Variants in APBB2 observed in about 807,000 individuals in gnomAD.
The protein encoded by APBB2 is Fe65-like 1.
A neutral mutation model predicts 82.5 loss-of-function variants in APBB2; 38 were observed. The observed-to-expected ratio is 0.46, with a 90% CI of 0.36 to 0.60. The LOEUF is 0.60. Ranked by LOEUF, APBB2 falls within the 20% of genes least tolerant of loss-of-function variation. APBB2 has a pLI of 0.00. For missense variants in APBB2, 772 were observed against 972.3 expected (o/e 0.79, Z 2.74); for synonymous variants, 341 against 368.2 (o/e 0.93, Z 0.85).
In APBB2 at chr4:40,815,991, A is replaced by C; in HGVS notation, c.*101T>G. The C allele has an allele frequency of 7.4e-7, 1 of 1,354,788 alleles. No homozygotes were observed. The highest frequency in any genetic ancestry group is 1.3e-5 in the South Asian group (1 of 75,142). The allele number at this position is 1,354,788 out of a possible 1,614,324, so 83.9% of individuals were successfully genotyped here. On this transcript the variant is annotated 3_prime_UTR_variant, in exon 18 of 18. Coordinates refer to ENST00000508593, the MANE Select transcript of APBB2 (RefSeq NM_004307.2). ...GTTAAGGGTAAATTCTCTGAAGACA[A>C]AGCATCAGCAACTGGATGGAAGGTC...
intron 6 of APBB2, among the ~76,000 whole-genome samples, chr4:41,010,407 C>T (rs1185753165): frequency 6.6e-6 from 1 of 152,210 alleles, no homozygotes; most frequent in African/African-American, 2.4e-5. Context: ...ATCCAGTTCT[C>T]ATCACAGGCC....
chr4:40,897,791 G>A (rs1225426735), intron 10 of APBB2, among the ~76,000 whole-genome samples: 2 of 152,108 alleles, frequency 1.3e-5, no homozygotes, highest in African/African-American at 2.4e-5. Flanking sequence ...GCCCCCGTGT[G>A]GCCAGGAAGG....
chr4:40,830,820 A>G (rs1751606176), intron 12 of APBB2, among the ~76,000 whole-genome samples: 2 of 152,156 alleles, frequency 1.3e-5, no homozygotes, highest in Non-Finnish European at 2.9e-5. Context: ...TGTAATCCCA[A>G]CGTTTTGAGA....
intron 3 of APBB2, among the ~76,000 whole-genome samples, chr4:41,067,728 GAT>G (rs965573022): frequency 3.9e-5 from 6 of 152,120 alleles, no homozygotes; most frequent in Non-Finnish European, 7.4e-5. Context: ...GATGAATAAA[GAT>G]AAAAAATGAA....
chr4:41,131,810 C>T (rs896947658), intron 2 of APBB2, among the ~76,000 whole-genome samples: 28 of 152,024 alleles, frequency 1.8e-4, no homozygotes. Context: ...GAGGCCAAGG[C>T]GGGTGGATCA....
chr4:40,924,813 T>C (rs1224622149), intron 10 of APBB2, among the ~76,000 whole-genome samples: 1 of 152,252 alleles, frequency 6.6e-6, no homozygotes, highest in African/African-American at 2.4e-5. Context: ...TTGGTGCAGT[T>C]TGCTACATAG....
At chr4:41,132,485 T>C (rs1003275458) in intron 2 of APBB2, among the ~76,000 whole-genome samples, 2 of 152,226 alleles carry the variant, frequency 1.3e-5, no homozygotes, top group Non-Finnish European at 2.9e-5. Flanking sequence ...AGCAAACAGC[T>C]TTCCTGATTA....
intron 2 of APBB2, among the ~76,000 whole-genome samples, chr4:41,103,571 G>A (rs1230158863): frequency 2.6e-5 from 4 of 151,734 alleles, no homozygotes; most frequent in Non-Finnish European, 4.4e-5. Context: ...GCAGTATTGA[G>A]AAAGTAGACT....
At chr4:41,134,105 G>A (rs1429935401) in intron 2 of APBB2, among the ~76,000 whole-genome samples, 1 of 152,050 alleles carries the variant, frequency 6.6e-6, no homozygotes, top group Non-Finnish European at 1.5e-5. Context: ...TGAGTAGCTA[G>A]GTTTATAGGC....
chr4:41,096,430 C>A (rs1039371073), intron 3 of APBB2, among the ~76,000 whole-genome samples: 8 of 152,040 alleles, frequency 5.3e-5, no homozygotes, highest in Admixed American at 2.0e-4. Context: ...ACTCTAAGGG[C>A]AAAATACCAA....
intron 12 of APBB2, among the ~76,000 whole-genome samples, chr4:40,886,752 T>C (rs562166446): frequency 6.6e-6 from 1 of 152,136 alleles, no homozygotes; most frequent in Non-Finnish European, 1.5e-5. Flanking sequence ...TAAGGCCCAG[T>C]GCACACACCT....
At chr4:41,115,621 T>G (rs1008738083) in intron 2 of APBB2, among the ~76,000 whole-genome samples, 1 of 151,758 alleles carries the variant, frequency 6.6e-6, no homozygotes, top group Admixed American at 6.6e-5. Flanking sequence ...TTAAAAAAAT[T>G]TCCAAAAAAA....
At chr4:40,884,103 C>T (rs1021427855) in intron 12 of APBB2, among the ~76,000 whole-genome samples, 2 of 152,152 alleles carry the variant, frequency 1.3e-5, no homozygotes, top group African/African-American at 4.8e-5. Flanking sequence ...CTGCCAACCC[C>T]GGGACATTTA....
chr4:41,004,754 G>A (rs1806211309), intron 6 of APBB2, among the ~76,000 whole-genome samples: 2 of 144,548 alleles, frequency 1.4e-5, no homozygotes, highest in South Asian at 2.3e-4. Flanking sequence ...GGAGAATGGC[G>A]TGAACCTGGG....
At chr4:40,863,153 T>C (rs932273650) in intron 12 of APBB2, among the ~76,000 whole-genome samples, 4 of 152,222 alleles carry the variant, frequency 2.6e-5, no homozygotes, top group Non-Finnish European at 5.9e-5. Flanking sequence ...CATGCTTTAC[T>C]TGTTTTTGTA....
At chr4:40,897,921 G>A (rs1425233239) in intron 10 of APBB2, among the ~76,000 whole-genome samples, 1 of 151,840 alleles carries the variant, frequency 6.6e-6, no homozygotes, top group Non-Finnish European at 1.5e-5. Context: ...CAAGTCATCT[G>A]CCACTTAAAA....
At chr4:40,856,105 C>G (rs1761107357) in intron 12 of APBB2, among the ~76,000 whole-genome samples, 1 of 152,184 alleles carries the variant, frequency 6.6e-6, no homozygotes, top group South Asian at 2.1e-4. Context: ...TAAAAGAGAA[C>G]AGCATGAGGA....
In APBB2 at chr4:40,816,206, T is replaced by C. The variant is rs1577628484; in HGVS notation, c.2166A>G (p.Pro722=). Reference sequence around the variant, plus strand: ...TTACTGAATCTGCTGGCGGTGGAGGTGGTCGAACTTTCTGAGAAGGCGGCC... The same window carrying C: ...TTACTGAATCTGCTGGCGGTGGAGGCGGTCGAACTTTCTGAGAAGGCGGCC... The part of the protein sequence containing the change: ...VARPPSQKVR[P]PPPPADSVTR... The change falls in exon 18 of 18, where the codon CCA becomes CCG. Residue 722 remains proline, a synonymous_variant. Transcript: ENST00000508593. 6.2e-7 allele frequency: 1 copy of C among 1,614,136 alleles called. No homozygotes were observed. The highest frequency in any genetic ancestry group is 8.5e-7 in the Non-Finnish European group (1 of 1,180,016).
intron 12 of APBB2, among the ~76,000 whole-genome samples, chr4:40,868,252 A>G (rs1764533760): frequency 6.6e-6 from 1 of 152,196 alleles, no homozygotes; most frequent in South Asian, 2.1e-4. Context: ...TACTGAATTA[A>G]TCAGAACCAC....
Sources: gnomAD v4.1 joint callset for allele counts (sites outside exome capture counted in the v4.1 genomes callset) on GRCh38, gnomAD v4.1.1 for gene constraint, MANE v1.5 for transcripts, NCBI Gene and HGNC (gene_info 2026-07-23, HGNC 2026-07-21) for gene names.